COL19A1: variants seen among roughly 807,000 people sequenced by gnomAD.
The protein encoded by COL19A1 is collagen alpha-1(XIX) chain.
A neutral mutation model predicts 190.2 loss-of-function variants in COL19A1; 159 were observed. That is an observed-to-expected ratio of 0.84 (90% CI 0.73 to 0.95). The LOEUF is 0.95. COL19A1 is among the 40% of genes least tolerant of loss of function. The probability of loss-of-function intolerance (pLI) is 0.00; values close to 1 mark genes in which losing one functional copy is unlikely to be tolerated. For missense variants in COL19A1, 1,418 were observed against 1,431.9 expected, an observed-to-expected ratio of 0.99 and a Z score of 0.16; for synonymous variants, 509 against 458.9, an observed-to-expected ratio of 1.11 and a Z score of -1.39.
At chr6:70,124,917 A>G (rs961418104) in intron 17 of COL19A1, among the ~76,000 whole-genome samples, 2 of 152,066 alleles carry the variant, frequency 1.3e-5, no homozygotes, top group Non-Finnish European at 2.9e-5. Context: ...CCCACCAAGA[A>G]GGATGGAGGT....
intron 18 of COL19A1, among the ~76,000 whole-genome samples, chr6:70,137,087 A>G (rs556271189): frequency 1.3e-5 from 2 of 152,300 alleles, no homozygotes; most frequent in African/African-American, 4.8e-5. Context: ...TATGTCACAT[A>G]CAGATCTCTC....
intron 15 of COL19A1, among the ~76,000 whole-genome samples, chr6:70,081,258 G>T (rs753418707): frequency 7.7e-4 from 117 of 152,114 alleles, no homozygotes; most frequent in Non-Finnish European, 1.4e-3. Context: ...TCTTCTGCAT[G>T]CTCTACCTCC....
At chr6:69,954,910 A>G (rs181015752) in intron 9 of COL19A1, among the ~76,000 whole-genome samples, 11 of 152,226 alleles carry the variant, frequency 7.2e-5, no homozygotes, top group Non-Finnish European at 1.0e-4. Flanking sequence ...TACTCCAGGC[A>G]GGAAATAGTT....
In COL19A1 at chr6:70,168,188, C is replaced by T; in HGVS notation, c.2514C>T (p.Pro838=). ...LYKIKGGVNV[P]SYPGPPGPPG... ...TTTTGAAGGGAGGTGTGAATGTTCC[C>T]AGTTACCCAGGGCCACCCGGTCCTC... Residue 838 remains proline (P), a synonymous_variant, in exon 39 of 51, where the codon CCC becomes CCT. Transcript: ENST00000620364. 6.2e-7 allele frequency: 1 copy of T among 1,612,906 alleles called. No homozygotes were observed. The highest frequency in any genetic ancestry group is 8.5e-7 in the Non-Finnish European group (1 of 1,179,488).
intron 45 of COL19A1, 31 bp from the exon 46 acceptor site, chr6:70,184,840 A>G (rs1160119418): frequency 6.2e-7 from 1 of 1,611,868 alleles, no homozygotes; most frequent in Non-Finnish European, 8.5e-7. Context: ...CTTGGCAAGG[A>G]GTGATTTTCA....
chr6:69,922,458 G>A (rs937988202), intron 4 of COL19A1, among the ~76,000 whole-genome samples: 33 of 145,058 alleles, frequency 2.3e-4, no homozygotes, highest in Middle Eastern at 3.6e-3. Context: ...ATAAATTATC[G>A]AAAAATAATT....
At chr6:70,045,287 G>A (rs1276996945) in intron 14 of COL19A1, among the ~76,000 whole-genome samples, 1 of 145,206 alleles carries the variant, frequency 6.9e-6, no homozygotes, top group Non-Finnish European at 1.5e-5. Context: ...ACTCCAGCCT[G>A]GGCAACAAGA....
chr6:70,028,319 G>A (rs1778837898), intron 12 of COL19A1, among the ~76,000 whole-genome samples: 1 of 152,034 alleles, frequency 6.6e-6, no homozygotes, highest in Non-Finnish European at 1.5e-5. Context: ...ATGGGACCAA[G>A]AGCTAACAAT....
chr6:70,156,382 C>A lies in COL19A1; in HGVS notation c.2238+13C>A, dbSNP rs1787440248. ...AGAGGGACCAAAGGTAAGAAATTCT[C>A]TCCTCCACTTTCCCCTGTGGGAACC... On this transcript the variant is annotated intron_variant, in intron 33 of 50. Transcript: ENST00000620364. 3 of 1,612,622 alleles carry A rather than the reference C, an allele frequency of 1.9e-6. No individual in the cohort carries two copies. The highest frequency in any genetic ancestry group is 2.7e-5 in the African/African-American group (2 of 74,824).
chr6:69,897,639 A>G (rs1259473406), intron 2 of COL19A1, among the ~76,000 whole-genome samples: 1 of 152,156 alleles, frequency 6.6e-6, no homozygotes, highest in Non-Finnish European at 1.5e-5. Context: ...CATGTTTTAT[A>G]GATTTTAGTG....
intron 1 of COL19A1, among the ~76,000 whole-genome samples, chr6:69,876,903 C>G (rs893813533): frequency 3.3e-5 from 5 of 152,148 alleles, no homozygotes; most frequent in African/African-American, 1.2e-4. Flanking sequence ...AGGCTTAAAA[C>G]CAGCTGTTTG....
rs1482026257 is a variant in COL19A1, at chr6:70,211,078, A to AT, written c.*3805dup. 6.6e-6 allele frequency among the ~76,000 whole-genome samples: 1 copy of AT among 152,160 alleles called. No homozygotes were observed. Among genetic ancestry groups the AT allele is most frequent in the African/African-American group, 2.4e-5 (1 of 41,454 alleles). On this transcript the variant is annotated 3_prime_UTR_variant, in exon 51 of 51. Coordinates refer to ENST00000620364, the MANE Select transcript of COL19A1 (RefSeq NM_001858.6). ...ACAGACAAGAAAAAAGATTTAGCTT[A>AT]TCACAAGAAGCAGACAATTTATAAA...
chr6:70,145,081 A>T, intron 25 of COL19A1, 74 bp downstream of exon 25: 1 of 1,076,780 alleles, frequency 9.3e-7, no homozygotes, highest in Non-Finnish European at 1.4e-6. Flanking sequence ...CTAGTTTCAG[A>T]TCACAAGTAT....
Position 70,207,359 on chromosome 6 carries a change from G to C in COL19A1, c.*85G>C. 7 of 895,568 alleles carry C rather than the reference G, an allele frequency of 7.8e-6. No homozygotes were observed. Among genetic ancestry groups the C allele is most frequent in the Non-Finnish European group, 1.0e-5 (7 of 683,144 alleles). 55.5% of individuals were successfully genotyped at this position (895,568 alleles called of 1,614,324 possible). On this transcript the variant is annotated 3_prime_UTR_variant, in exon 51 of 51. Transcript: ENST00000620364. ...TACCGTCAAACCCTCATCATCTGTG[G>C]GTTGCTTTTTTTTTTTTTTTTTTTT...
intron 2 of COL19A1, among the ~76,000 whole-genome samples, chr6:69,889,200 T>C (rs1769156130): frequency 6.6e-6 from 1 of 152,236 alleles, no homozygotes; most frequent in African/African-American, 2.4e-5. Flanking sequence ...TTAACGTATG[T>C]TGGAGAAGAC....
Position 70,168,698 on chromosome 6 carries a change from G to A in COL19A1, c.2568+17G>A, listed in dbSNP as rs1376627541. 1.9e-6 allele frequency: 3 copies of A among 1,612,272 alleles called. No individual in the cohort carries two copies. The highest frequency in any genetic ancestry group is 2.5e-6 in the Non-Finnish European group (3 of 1,179,172). On this transcript the variant is annotated intron_variant, in intron 40 of 50. Transcript: ENST00000620364. ...GGCCCAGTGGTATGAATGTTCCCAT[G>A]TTTTGTGTCATTTAGAATATTGGTC... is the stretch of plus-strand genomic sequence containing the variant.
chr6:70,043,258 C>T (rs1779725816), intron 14 of COL19A1, among the ~76,000 whole-genome samples: 4 of 150,072 alleles, frequency 2.7e-5, no homozygotes, highest in African/African-American at 9.9e-5. Flanking sequence ...GTGGCGCGAT[C>T]TCGGCTCACT....
intron 49 of COL19A1, among the ~76,000 whole-genome samples, chr6:70,201,311 G>A (rs1767537022): frequency 6.6e-6 from 1 of 152,150 alleles, no homozygotes; most frequent in Non-Finnish European, 1.5e-5. Flanking sequence ...CAGGTGCTGC[G>A]AAGGCCCATT....
At chr6:70,025,974 G>A (rs78492893) in intron 12 of COL19A1, among the ~76,000 whole-genome samples, 14,607 of 152,116 alleles carry the variant, frequency 0.096, 775 homozygotes, top group East Asian at 0.2. Context: ...GAGAAATGTA[G>A]GAGTGTTCAA....
Sources: gnomAD v4.1 joint callset for allele counts (sites outside exome capture counted in the v4.1 genomes callset) on GRCh38, gnomAD v4.1.1 for gene constraint, MANE v1.5 for transcripts, NCBI Gene and HGNC (gene_info 2026-07-23, HGNC 2026-07-21) for gene names.